The following FBXL13 variants were observed in gnomAD, a reference collection of about 807,000 sequenced individuals.
FBXL13 encodes the protein F-box and leucine-rich repeat protein 13.
A neutral mutation model predicts 83.6 loss-of-function variants in FBXL13; 67 were observed. The observed-to-expected ratio is 0.80, with a 90% CI of 0.66 to 0.98. FBXL13 has a LOEUF of 0.98. Ranked by LOEUF, FBXL13 falls within the 50% of genes least tolerant of loss-of-function variation. The pLI is 0.00. For synonymous variants in FBXL13, 272 were observed against 299.5 expected (o/e 0.91, Z 0.95); for missense variants, 822 against 866.5 (o/e 0.95, Z 0.64).
rs1317270688 is a variant in FBXL13, at chr7:103,066,678, C to T, written c.-105+7568G>A. On this transcript the variant is annotated intron_variant, in intron 1 of 19. Transcript: ENST00000313221. ...AAAGCGCTGGGATTACAGGCGTGAG[C>T]CACTGCGCCCAGCCTATGAATGTAA... 2.0e-5 allele frequency among the ~76,000 whole-genome samples: 3 copies of T among 152,314 alleles called. No individual in the cohort carries two copies. In the East Asian group the frequency reaches 5.8e-4, roughly 29 times the overall value.
At chr7:102,896,134 G>C (rs1812224225) in intron 11 of FBXL13, among the ~76,000 whole-genome samples, 1 of 152,190 alleles carries the variant, frequency 6.6e-6, no homozygotes, top group African/African-American at 2.4e-5. Flanking sequence ...TACTGTCAAA[G>C]GGGCAACTGG....
chr7:102,958,974 TCCTGCATATC>T (rs1461348652), intron 8 of FBXL13, among the ~76,000 whole-genome samples: 1 of 151,994 alleles, frequency 6.6e-6, no homozygotes, highest in Non-Finnish European at 1.5e-5. Flanking sequence ...TGAACAAGAC[TCCTGCATATC>T]CCTGCTACTT....
At position 103,025,117 on chromosome 7, in the gene FBXL13, T is replaced by C. The variant is rs770910894; in HGVS notation, c.441A>G (p.Val147=). 5 of 1,613,066 alleles carry C rather than the reference T, an allele frequency of 3.1e-6. No individual in the cohort carries two copies. The Admixed American group carries it at 8.3e-5, about 27-fold the overall frequency. ...AAATGTCACATTTTAGAGTCTCATC[T>C]ACAAGAAAGACTTCAGAAGAACTTC... Residue 147 remains valine (V), a synonymous_variant, in exon 6 of 20, where the codon GTA becomes GTG. Coordinates refer to ENST00000313221, the Ensembl canonical transcript of FBXL13.
Position 102,976,141 on chromosome 7 carries a change from T to G in FBXL13, c.496-8024A>C, listed in dbSNP as rs765943336. 11 of 766,306 alleles carry G rather than the reference T, an allele frequency of 1.4e-5. No individual in the cohort carries two copies. The African/African-American group carries it at 1.5e-4, about 11-fold the overall frequency. The allele number at this position is 766,306 out of a possible 1,614,324, so 47.5% of individuals were successfully genotyped here. A position where few individuals can be genotyped will look rare whatever the true frequency, so the allele number is the denominator to read the frequency against. On this transcript the variant is annotated intron_variant, in intron 6 of 19. Transcript: ENST00000313221. ...CCCTCCTACTCGGATCTCGTCAGCC[T>G]TGCCGCTGAAGACTGATAGTGCCTT...
intron 6 of FBXL13, chr7:102,988,646 A>G (rs1260654543): frequency 1.3e-5 from 2 of 152,238 alleles, no homozygotes; most frequent in Non-Finnish European, 2.9e-5. Context: ...TCTACTCCCT[A>G]CTGCTCAGGC....
At chr7:102,934,308 C>T (rs1819838534) in intron 8 of FBXL13, 1 of 1,614,122 alleles carries the variant, frequency 6.2e-7, no homozygotes, top group Non-Finnish European at 8.5e-7. Context: ...AACAAACTCA[C>T]CACCCTCTTA....
At chr7:102,897,250 G>GT (rs1201067499) in intron 11 of FBXL13, among the ~76,000 whole-genome samples, 1 of 151,986 alleles carries the variant, frequency 6.6e-6, no homozygotes, top group East Asian at 1.9e-4. Flanking sequence ...CATCAAGGGA[G>GT]TAGGTATAGC....
intron 8 of FBXL13, among the ~76,000 whole-genome samples, chr7:102,946,896 G>A (rs764740027): frequency 3.3e-5 from 5 of 151,756 alleles, no homozygotes; most frequent in African/African-American, 4.8e-5. Context: ...GGCTGGTCTC[G>A]AACTCTTGAC....
At chr7:102,897,240 C>A (rs1454813143) in intron 11 of FBXL13, among the ~76,000 whole-genome samples, 1 of 151,716 alleles carries the variant, frequency 6.6e-6, no homozygotes, top group African/African-American at 2.4e-5. Flanking sequence ...AAGATGAGAT[C>A]ATCAAGGGAG....
chr7:102,869,628 T>C (rs1808254868), intron 16 of FBXL13, among the ~76,000 whole-genome samples: 1 of 152,250 alleles, frequency 6.6e-6, no homozygotes, highest in Non-Finnish European at 1.5e-5. Flanking sequence ...TTTAAGTCCT[T>C]AATCCATTTT....
intron 8 of FBXL13, among the ~76,000 whole-genome samples, chr7:102,941,803 G>A (rs1263401068): frequency 1.3e-5 from 2 of 151,370 alleles, no homozygotes; most frequent in Non-Finnish European, 2.9e-5. Flanking sequence ...ATGTATTAAA[G>A]TAATGAGTAA....
At chr7:103,058,703 C>T (rs1797575555) in intron 1 of FBXL13, among the ~76,000 whole-genome samples, 1 of 152,128 alleles carries the variant, frequency 6.6e-6, no homozygotes. Context: ...TTACTAAGCT[C>T]CCCAGGTGAT....
intron 19 of FBXL13, 48 bp downstream of exon 20, chr7:102,821,992 C>T (rs1414903792): frequency 6.3e-7 from 1 of 1,581,998 alleles, no homozygotes; most frequent in Non-Finnish European, 8.7e-7. Flanking sequence ...ACTATGTTTT[C>T]TCAGAAAGTA....
chr7:102,867,295 C>G (rs1807791784), intron 16 of FBXL13, among the ~76,000 whole-genome samples: 1 of 152,012 alleles, frequency 6.6e-6, no homozygotes, highest in South Asian at 2.1e-4. Flanking sequence ...AAAGTTGAGG[C>G]TGCAGTGAGC....
intron 11 of FBXL13, among the ~76,000 whole-genome samples, chr7:102,891,516 G>A (rs1386433009): frequency 6.6e-6 from 1 of 152,220 alleles, no homozygotes; most frequent in East Asian, 1.9e-4. Flanking sequence ...AGTGCCTGGT[G>A]CAGAGTGTTT....
At chr7:102,959,511 G>A (rs904704467) in intron 8 of FBXL13, among the ~76,000 whole-genome samples, 1 of 151,610 alleles carries the variant, frequency 6.6e-6, no homozygotes, top group Non-Finnish European at 1.5e-5. Flanking sequence ...ATATACAAAT[G>A]GTATTAGATT....
At chr7:102,960,961 C>T (rs986927860) in intron 8 of FBXL13, among the ~76,000 whole-genome samples, 10 of 151,966 alleles carry the variant, frequency 6.6e-5, no homozygotes, top group South Asian at 2.1e-4. Context: ...TCCTATTCAA[C>T]GTAGTGTTGG....
intron 1 of FBXL13, among the ~76,000 whole-genome samples, chr7:103,062,353 C>A (rs1394374454): frequency 6.6e-6 from 1 of 152,016 alleles, no homozygotes; most frequent in Admixed American, 6.5e-5. Context: ...TCTGGATGAC[C>A]CACTGTCTGA....
chr7:102,929,427 C>T (rs1369996614), intron 9 of FBXL13, among the ~76,000 whole-genome samples: 2 of 152,008 alleles, frequency 1.3e-5, no homozygotes, highest in East Asian at 3.9e-4. Flanking sequence ...TTTGGGAGGC[C>T]GAGGCGGGTG....
Sources: allele counts gnomAD v4.1 joint callset (sites outside exome capture counted in the v4.1 genomes callset), GRCh38; gene constraint gnomAD v4.1.1; transcripts MANE v1.5; gene names NCBI Gene and HGNC (gene_info 2026-07-23, HGNC 2026-07-21).